BTBD7: variants seen among roughly 807,000 people sequenced by gnomAD.
The protein encoded by BTBD7 is BTB domain containing 7.
A neutral mutation model predicts 99.9 loss-of-function variants in BTBD7; 38 were observed. That is an observed-to-expected ratio of 0.38 (90% confidence interval 0.29 to 0.50). The LOEUF is 0.50. Among genes scored for constraint, BTBD7 ranks in the 20% least tolerant of loss-of-function variants. The pLI is 0.93. For synonymous variants in BTBD7, 520 were observed against 511.4 expected (o/e 1.02, Z -0.23); for missense variants, 1,170 against 1,394.6 (o/e 0.84, Z 2.57).
In BTBD7 at chr14:93,242,637, G is replaced by T; in HGVS notation, c.3035C>A (p.Ser1012Tyr). 2 of 1,613,968 alleles carry T rather than the reference G, an allele frequency of 1.2e-6. No individual in the cohort carries two copies. Among genetic ancestry groups the T allele is most frequent in the South Asian group, 2.2e-5 (2 of 91,082 alleles). Residue 1012 changes from serine (S) to tyrosine (Y), a missense_variant, in exon 11 of 11, where the codon TCC becomes TAC. Transcript: ENST00000334746. ...TTGTCTGTGTAGATGCCCGTCAGGG[G>T]AAAGTGGATATTCTCTCCTAGCTTC... ...QEEARREYPLSPDGHLHRQKN... is the reference protein window; with the variant it reads ...QEEARREYPLYPDGHLHRQKN...
At chr14:93,295,375 C>T (rs535910198) in intron 2 of BTBD7, among the ~76,000 whole-genome samples, 116 of 152,294 alleles carry the variant, frequency 7.6e-4, no homozygotes, top group African/African-American at 2.2e-3. Flanking sequence ...TGCAATCTTC[C>T]TGCCTTGGCC....
chr14:93,267,212 A>AAATATT (rs1212504295), intron 3 of BTBD7, among the ~76,000 whole-genome samples: 1 of 152,224 alleles, frequency 6.6e-6, no homozygotes, highest in Non-Finnish European at 1.5e-5. Context: ...ACATGATCAC[A>AAATATT]AATATTTAAA....
In BTBD7 at chr14:93,293,918, C is replaced by T; in HGVS notation, c.1102G>A (p.Glu368Lys). 8.1e-6 allele frequency: 13 copies of T among 1,613,808 alleles called. No homozygotes were observed. The highest frequency in any genetic ancestry group is 1.1e-5 in the Non-Finnish European group (13 of 1,179,868). The part of the protein sequence containing the change: ...VAGKPNMTRA[E>K]EAMELYHIAL... Reference sequence around the variant, plus strand: ...ATGTGGTAAAGTTCCATGGCTTCTTCTGCCCTGGTCATGTTTGGCTTCCCT... The same window carrying T: ...ATGTGGTAAAGTTCCATGGCTTCTTTTGCCCTGGTCATGTTTGGCTTCCCT... Residue 368 changes from glutamate (E) to lysine (K), a missense_variant, in exon 3 of 11, where the codon GAA becomes AAA. Transcript: ENST00000334746.
intron 3 of BTBD7, among the ~76,000 whole-genome samples, chr14:93,272,675 T>G (rs1300573427): frequency 6.6e-6 from 1 of 152,100 alleles, no homozygotes; most frequent in Non-Finnish European, 1.5e-5. Flanking sequence ...CACCTACAAA[T>G]CTATTTTTAA....
intron 5 of BTBD7, among the ~76,000 whole-genome samples, chr14:93,258,435 T>A (rs1216254266): frequency 6.6e-6 from 1 of 152,120 alleles, no homozygotes; most frequent in Non-Finnish European, 1.5e-5. Context: ...AAATCTTACA[T>A]GAAACCCCCA....
At chr14:93,254,032 G>C (rs374749903) in intron 6 of BTBD7, among the ~76,000 whole-genome samples, 2 of 151,744 alleles carry the variant, frequency 1.3e-5, no homozygotes, top group South Asian at 2.1e-4. Context: ...CCGTCTCCTG[G>C]ATTCAAGCGA....
intron 1 of BTBD7, among the ~76,000 whole-genome samples, chr14:93,323,188 G>A (rs576520638): frequency 6.6e-6 from 1 of 152,166 alleles, no homozygotes; most frequent in African/African-American, 2.4e-5. Flanking sequence ...CTTGAGGATC[G>A]CTTGAGCCCA....
intron 3 of BTBD7, among the ~76,000 whole-genome samples, chr14:93,286,558 AT>A (rs1253901854): frequency 1.3e-5 from 2 of 152,192 alleles, no homozygotes; most frequent in African/African-American, 4.8e-5. Flanking sequence ...TGATGTTTCA[AT>A]CACTATAGTT....
Position 93,295,887 on chromosome 14 carries a change from C to A in BTBD7, c.82+83G>T. ...TTATTATAATAACTACAGCTCACTT[C>A]TTTTGTCATCTACAGAGACTACCGA... On this transcript the variant is annotated intron_variant, in intron 2 of 10. Transcript: ENST00000334746. 3.1e-6 allele frequency: 4 copies of A among 1,290,922 alleles called. No homozygotes were observed. In the South Asian group the frequency reaches 5.2e-5, roughly 17 times the overall value. 80.0% of individuals were successfully genotyped at this position (1,290,922 alleles called of 1,614,324 possible).
In BTBD7 at chr14:93,242,372, T is replaced by A; in HGVS notation, c.3300A>T (p.Gly1100=). Residue 1100 remains glycine (G), a synonymous_variant, in exon 11 of 11, where the codon GGA becomes GGT. Coordinates refer to ENST00000334746, the MANE Select transcript of BTBD7 (RefSeq NM_001002860.4). ...TTTCCAAATCTGTATTTCTCTGAGC[T>A]CCATGGCCCAGGGACTCACTGTCTG... is the stretch of plus-strand genomic sequence containing the variant. ...RLADSESLGH[G]AQRNTDLERE... is the part of the protein sequence containing the mutation. 2 of 1,614,226 alleles carry A rather than the reference T, an allele frequency of 1.2e-6. No individual in the cohort carries two copies. The highest frequency in any genetic ancestry group is 1.7e-6 in the Non-Finnish European group (2 of 1,180,038).
intron 1 of BTBD7, among the ~76,000 whole-genome samples, chr14:93,331,885 C>CG (rs1566870930): frequency 6.8e-6 from 1 of 147,164 alleles, no homozygotes; most frequent in African/African-American, 2.7e-5. Context: ...CGTCTCCCCC[C>CG]CCCCAAAAAG....
chr14:93,301,560 C>T (rs941597410), intron 1 of BTBD7, among the ~76,000 whole-genome samples: 8 of 151,694 alleles, frequency 5.3e-5, no homozygotes, highest in East Asian at 1.9e-4. Flanking sequence ...TGTAGTGGTA[C>T]GTGCCTATGG....
At chr14:93,243,638 C>G (rs2052265889) in intron 10 of BTBD7, among the ~76,000 whole-genome samples, 3 of 152,028 alleles carry the variant, frequency 2.0e-5, no homozygotes, top group African/African-American at 7.2e-5. Flanking sequence ...AAATTTAGTA[C>G]CTATATAATC....
chr14:93,309,377 G>A (rs2053111564), intron 1 of BTBD7, among the ~76,000 whole-genome samples: 2 of 148,342 alleles, frequency 1.3e-5, no homozygotes, highest in East Asian at 2.0e-4. Flanking sequence ...GTGTGGCCTA[G>A]GCGACAAGGG....
chr14:93,285,968 G>C (rs779016303), intron 3 of BTBD7, among the ~76,000 whole-genome samples: 4 of 152,176 alleles, frequency 2.6e-5, no homozygotes, highest in African/African-American at 4.8e-5. Flanking sequence ...GACTAAGGAA[G>C]GCTGCAGGAT....
rs1436090168 is a variant in BTBD7 at position 93,300,770 on chromosome 14, GTGTATA to G, written c.-106-4619_-106-4614del. Among the ~76,000 whole-genome samples, 6 of 36,316 alleles carry G rather than the reference GTGTATA, an allele frequency of 1.7e-4. 1 individual carries two copies. The highest frequency in any genetic ancestry group is 1.6e-3 in the East Asian group (2 of 1,260). 23.8% of individuals were successfully genotyped at this position (36,316 alleles called of 152,430 possible). On this transcript the variant is annotated intron_variant, in intron 1 of 10. Coordinates refer to ENST00000334746, the MANE Select transcript of BTBD7 (RefSeq NM_001002860.4). Reference sequence around the variant, plus strand: ...TGTGTGTGTGTGTGTGTGTGTGTGTGTGTATATATATATATATTTTTTTTTTGTAGA... The same window carrying G: ...TGTGTGTGTGTGTGTGTGTGTGTGTGTATATATATATTTTTTTTTTGTAGA...
chr14:93,302,229 A>G (rs903221169), intron 1 of BTBD7, among the ~76,000 whole-genome samples: 1 of 152,182 alleles, frequency 6.6e-6, no homozygotes, highest in Admixed American at 6.5e-5. Flanking sequence ...GTTAAACAGT[A>G]TGAGAGCACA....
intron 3 of BTBD7, among the ~76,000 whole-genome samples, chr14:93,285,285 C>T (rs1278249445): frequency 6.6e-6 from 1 of 152,070 alleles, no homozygotes; most frequent in Non-Finnish European, 1.5e-5. Flanking sequence ...TGGAAAGTGA[C>T]CAAGTTGCTA....
chr14:93,287,100 G>C (rs1038826904), intron 3 of BTBD7, among the ~76,000 whole-genome samples: 1 of 151,944 alleles, frequency 6.6e-6, no homozygotes, highest in African/African-American at 2.4e-5. Flanking sequence ...ATGGTGGCAG[G>C]CACCTGTAAT....
Sources: gnomAD v4.1 joint callset for allele counts (sites outside exome capture counted in the v4.1 genomes callset) on GRCh38, gnomAD v4.1.1 for gene constraint, MANE v1.5 for transcripts, NCBI Gene and HGNC (gene_info 2026-07-23, HGNC 2026-07-21) for gene names.